The following CORO1C variants were observed in gnomAD, a reference collection of about 807,000 sequenced individuals.
CORO1C encodes the protein coronin 1C.
A neutral mutation model predicts 51.2 loss-of-function variants in CORO1C; 14 were observed. The ratio of observed to expected loss-of-function variants is 0.27; its 90% CI spans 0.18 to 0.43. CORO1C has a LOEUF of 0.43. Ranked by LOEUF, CORO1C falls within the 20% of genes least tolerant of loss-of-function variation. CORO1C has a pLI of 1.00. For missense variants in CORO1C, 417 were observed against 607.8 expected (o/e 0.69, Z 3.30); for synonymous variants, 181 against 210.5 (o/e 0.86, Z 1.21).
chr12:108,654,399 C>T lies in CORO1C; in HGVS notation c.762G>A (p.Gln254=), dbSNP rs1160902859. The T allele has an allele frequency of 6.2e-7, 1 of 1,607,584 alleles. No homozygotes were observed. The highest frequency in any genetic ancestry group is 1.3e-5 in the African/African-American group (1 of 74,822). Reference sequence around the variant, plus strand: ...CCATCTCATGAAGAGCAATTGGTTCCTGCATATTTTTCTGGGGGGAAGATA... The same window carrying T: ...CCATCTCATGAAGAGCAATTGGTTCTTGCATATTTTTCTGGGGGGAAGATA... The part of the protein sequence containing the change: ...QLALWNPKNM[Q]EPIALHEMDT... Residue 254 remains glutamine (Q), a synonymous_variant, in exon 7 of 11, where the codon CAG becomes CAA. Coordinates refer to ENST00000261401, the MANE Select transcript of CORO1C (RefSeq NM_014325.4).
At chr12:108,661,788 T>C (rs1285643548) in intron 4 of CORO1C, among the ~76,000 whole-genome samples, 2 of 152,134 alleles carry the variant, frequency 1.3e-5, no homozygotes, top group Admixed American at 6.5e-5. Context: ...GCTGAAATTA[T>C]AGCAGGAAAT....
At chr12:108,703,401 G>A (rs937931641) in intron 1 of CORO1C, among the ~76,000 whole-genome samples, 1 of 152,028 alleles carries the variant, frequency 6.6e-6, no homozygotes, top group Non-Finnish European at 1.5e-5. Flanking sequence ...TAAAATGAAA[G>A]CAAAAAATAA....
Position 108,646,372 on chromosome 12 carries a change from C to T in CORO1C, c.*1031G>A, listed in dbSNP as rs1339412431. Reference sequence around the variant, plus strand: ...AGGGCAAATACCCCTCTCCACATGCCCACATTTTTAGTCCCCACCACTGTA... The same window carrying T: ...AGGGCAAATACCCCTCTCCACATGCTCACATTTTTAGTCCCCACCACTGTA... On this transcript the variant is annotated 3_prime_UTR_variant, in exon 11 of 11. Transcript: ENST00000261401. 2.0e-5 allele frequency: 3 copies of T among 152,228 alleles called. No homozygotes were observed. Among genetic ancestry groups the T allele is most frequent in the Non-Finnish European group, 1.5e-5 (1 of 68,122 alleles). 9.4% of individuals were successfully genotyped at this position (152,228 alleles called of 1,614,324 possible).
intron 3 of CORO1C, among the ~76,000 whole-genome samples, chr12:108,663,063 T>C (rs886930156): frequency 7.2e-5 from 11 of 152,148 alleles, no homozygotes; most frequent in African/African-American, 2.7e-4. Context: ...AAAAAGCACA[T>C]GAAAAGATGT....
chr12:108,729,588 TCA>T (rs1253944488), intron 1 of CORO1C, among the ~76,000 whole-genome samples: 6 of 152,228 alleles, frequency 3.9e-5, no homozygotes, highest in East Asian at 1.9e-4. Context: ...AACACAATTC[TCA>T]GTTTTATTTC....
chr12:108,657,533 G>C, intron 5 of CORO1C, 110 bp from the exon 6 acceptor site: 1 of 1,171,528 alleles, frequency 8.5e-7, no homozygotes, highest in South Asian at 1.4e-5. Context: ...GTTCACCTGG[G>C]TGTGGGAGGG....
In CORO1C at chr12:108,648,752, G is replaced by A. The variant is rs537326835; in HGVS notation, c.1158C>T (p.Ile386=). ...TGTACCCGTGCTTCAAGGAGATGAG[G>A]ATTGGGTCTGCATTCTTGCCTTCGA... is the stretch of plus-strand genomic sequence containing the variant. ...EWFEGKNADP[I]LISLKHGYIP... Residue 386 remains isoleucine, a synonymous_variant, in exon 10 of 11, where the codon ATC becomes ATT. Transcript: ENST00000261401. 1.2e-6 allele frequency: 2 copies of A among 1,614,192 alleles called. No individual in the cohort carries two copies. Among genetic ancestry groups the A allele is most frequent in the African/African-American group, 1.3e-5 (1 of 75,056 alleles).
At chr12:108,716,953 G>A (rs577148387) in intron 1 of CORO1C, among the ~76,000 whole-genome samples, 1 of 152,340 alleles carries the variant, frequency 6.6e-6, no homozygotes, top group South Asian at 2.1e-4. Flanking sequence ...ACACAACTGT[G>A]AGCAAGCAGA....
At chr12:108,728,107 C>T (rs551814158) in intron 1 of CORO1C, among the ~76,000 whole-genome samples, 108 of 152,158 alleles carry the variant, frequency 7.1e-4, no homozygotes, top group Non-Finnish European at 1.4e-3. Flanking sequence ...TGGTGAATAC[C>T]GTAAAATGGT....
intron 1 of CORO1C, among the ~76,000 whole-genome samples, chr12:108,719,558 T>G (rs150049934): frequency 3.3e-5 from 5 of 152,294 alleles, no homozygotes; most frequent in African/African-American, 7.2e-5. Flanking sequence ...TCAAATACAT[T>G]AAATCCTTGG....
intron 1 of CORO1C, among the ~76,000 whole-genome samples, chr12:108,702,532 C>T (rs1261087985): frequency 2.0e-5 from 3 of 152,174 alleles, no homozygotes. Flanking sequence ...TTCCTATGTG[C>T]TACTGCAGGA....
Position 108,646,911 on chromosome 12 carries a change from A to G in CORO1C, c.*492T>C, listed in dbSNP as rs560923528. The G allele has an allele frequency of 6.5e-6, 1 of 153,090 alleles. No homozygotes were observed. The highest frequency in any genetic ancestry group is 2.1e-4 in the South Asian group (1 of 4,848). 9.5% of individuals were successfully genotyped at this position (153,090 alleles called of 1,614,324 possible). A position where few individuals can be genotyped will look rare whatever the true frequency, so the allele number is the denominator to read the frequency against. ...ACACAGTGCTGTCCCTTTCAAATTA[A>G]GGAAAAAAAACCACACACACAAATA... On this transcript the variant is annotated 3_prime_UTR_variant, in exon 11 of 11. Transcript: ENST00000261401.
intron 2 of CORO1C, among the ~76,000 whole-genome samples, chr12:108,688,985 C>T (rs533351179): frequency 1.7e-4 from 25 of 148,302 alleles, no homozygotes; most frequent in Admixed American, 1.0e-3. Flanking sequence ...GAGCTGAGAG[C>T]GTACCACTAC....
intron 2 of CORO1C, among the ~76,000 whole-genome samples, chr12:108,682,947 G>C (rs1038856182): frequency 6.6e-6 from 1 of 152,138 alleles, no homozygotes; most frequent in African/African-American, 2.4e-5. Context: ...ATAACAGAAT[G>C]AAAGTTAAAA....
intron 8 of CORO1C, among the ~76,000 whole-genome samples, chr12:108,649,906 A>G (rs1190488644): frequency 6.6e-6 from 1 of 152,216 alleles, no homozygotes; most frequent in East Asian, 1.9e-4. Flanking sequence ...CTGAATTCCA[A>G]GAGTTTAAGT....
intron 8 of CORO1C, 122 bp from the exon 9 acceptor site, chr12:108,649,142 A>C: frequency 9.1e-7 from 1 of 1,103,484 alleles, no homozygotes; most frequent in Non-Finnish European, 1.3e-6. Flanking sequence ...CCATCCCCAC[A>C]TCTGATCCAC....
At chr12:108,698,881 G>C (rs1273361712) in intron 2 of CORO1C, among the ~76,000 whole-genome samples, 1 of 152,182 alleles carries the variant, frequency 6.6e-6, no homozygotes, top group African/African-American at 2.4e-5. Context: ...TTGACGCTAA[G>C]AGCTAAATAC....
intron 2 of CORO1C, among the ~76,000 whole-genome samples, chr12:108,695,576 G>A (rs1313417542): frequency 6.6e-6 from 1 of 152,148 alleles, no homozygotes; most frequent in African/African-American, 2.4e-5. Context: ...CAATGGATGA[G>A]TTCCTCTGTT....
chr12:108,707,027 TGAAA>T (rs1442934555), intron 1 of CORO1C, among the ~76,000 whole-genome samples: 1 of 152,104 alleles, frequency 6.6e-6, no homozygotes, highest in Non-Finnish European at 1.5e-5. Context: ...AAAATACTGT[TGAAA>T]GAAATTAAAG....
Sources: allele counts gnomAD v4.1 joint callset (sites outside exome capture counted in the v4.1 genomes callset), GRCh38; gene constraint gnomAD v4.1.1; transcripts MANE v1.5; gene names NCBI Gene and HGNC (gene_info 2026-07-23, HGNC 2026-07-21).